TCERG1L: variants seen among roughly 807,000 people sequenced by gnomAD.
TCERG1L encodes the protein transcription elongation regulator 1-like protein.
In TCERG1L, 37 loss-of-function variants were observed where a neutral mutation model predicts 56.3. The ratio of observed to expected loss-of-function variants is 0.66; its 90% CI spans 0.51 to 0.87. TCERG1L has a LOEUF of 0.87. Ranked by LOEUF, TCERG1L falls within the 40% of genes least tolerant of loss-of-function variation. The pLI is 0.00. For missense variants in TCERG1L, 799 were observed against 774.2 expected, an observed-to-expected ratio of 1.03 and a Z score of -0.38; for synonymous variants, 324 against 326.3, an observed-to-expected ratio of 0.99 and a Z score of 0.08.
intron 8 of TCERG1L, among the ~76,000 whole-genome samples, chr10:131,129,384 G>C (rs751275321): frequency 2.0e-5 from 3 of 152,184 alleles, no homozygotes; most frequent in African/African-American, 2.4e-5. Context: ...ATATGATGTC[G>C]GGGGTTTGTT....
At chr10:131,279,696 G>A (rs1846431411) in intron 3 of TCERG1L, among the ~76,000 whole-genome samples, 1 of 152,200 alleles carries the variant, frequency 6.6e-6, no homozygotes, top group Non-Finnish European at 1.5e-5. Context: ...CGCCCGGTGA[G>A]GATGGCCACA....
At chr10:131,200,738 G>A (rs577350202) in intron 4 of TCERG1L, among the ~76,000 whole-genome samples, 2 of 152,324 alleles carry the variant, frequency 1.3e-5, no homozygotes, top group East Asian at 1.9e-4. Flanking sequence ...TGTATTTTGC[G>A]TGTGGGAAGG....
chr10:131,248,219 C>G (rs1846062298), intron 4 of TCERG1L, among the ~76,000 whole-genome samples: 1 of 147,866 alleles, frequency 6.8e-6, no homozygotes, highest in African/African-American at 2.6e-5. Flanking sequence ...AACTCTCTCA[C>G]ACACAACTCA....
chr10:131,289,399 C>T (rs1846583248), intron 3 of TCERG1L, among the ~76,000 whole-genome samples: 1 of 152,214 alleles, frequency 6.6e-6, no homozygotes, highest in Non-Finnish European at 1.5e-5. Flanking sequence ...AATAAAAGTG[C>T]CCACTTATCC....
intron 3 of TCERG1L, among the ~76,000 whole-genome samples, chr10:131,282,137 G>GAAAAAAAAAAAAAAAAAAAAAA (rs543405432): frequency 1.1e-5 from 1 of 92,544 alleles, no homozygotes; most frequent in Non-Finnish European, 2.1e-5. Context: ...CTCCATCTCA[G>GAAAAAAAAAAAAAAAAAAAAAA]AAAAAAAAAA....
At chr10:131,227,972 C>T (rs1037251623) in intron 4 of TCERG1L, among the ~76,000 whole-genome samples, 2 of 151,862 alleles carry the variant, frequency 1.3e-5, no homozygotes, top group Admixed American at 6.6e-5. Context: ...CCCTCCTCAC[C>T]CCACCCCTCC....
chr10:131,283,746 A>G (rs775632111), intron 3 of TCERG1L, among the ~76,000 whole-genome samples: 6 of 152,350 alleles, frequency 3.9e-5, no homozygotes, highest in Middle Eastern at 3.4e-3. Context: ...TTGAAACAGC[A>G]TATTTGACAT....
At chr10:131,229,889 G>C (rs561904984) in intron 4 of TCERG1L, among the ~76,000 whole-genome samples, 173 of 152,332 alleles carry the variant, frequency 1.1e-3, no homozygotes, top group African/African-American at 3.7e-3. Context: ...GTAACCTTCT[G>C]AACGAAGCGC....
At chr10:131,223,229 G>A (rs932280000) in intron 4 of TCERG1L, among the ~76,000 whole-genome samples, 6 of 152,186 alleles carry the variant, frequency 3.9e-5, no homozygotes, top group African/African-American at 1.4e-4. Flanking sequence ...GGACCCCATG[G>A]GAACTGGGTG....
At chr10:131,122,006 G>T (rs954503152) in intron 8 of TCERG1L, among the ~76,000 whole-genome samples, 3 of 152,226 alleles carry the variant, frequency 2.0e-5, no homozygotes, top group Non-Finnish European at 4.4e-5. Flanking sequence ...TATCATAAAT[G>T]ATGTCTCTTG....
intron 4 of TCERG1L, among the ~76,000 whole-genome samples, chr10:131,255,036 G>C (rs956852858): frequency 6.6e-6 from 1 of 152,172 alleles, no homozygotes; most frequent in African/African-American, 2.4e-5. Context: ...CACTGTGGGA[G>C]AGGAGGCACC....
At chr10:131,278,632 C>T (rs912487028) in intron 3 of TCERG1L, among the ~76,000 whole-genome samples, 29 of 152,144 alleles carry the variant, frequency 1.9e-4, no homozygotes, top group African/African-American at 5.3e-4. Context: ...CATGAGCCAC[C>T]GCACCCAGCC....
chr10:131,163,084 G>A lies in TCERG1L; in HGVS notation c.1034+38C>T, dbSNP rs530447519. 17 of 1,466,070 alleles carry A rather than the reference G, an allele frequency of 1.2e-5. No individual in the cohort carries two copies. The East Asian group carries it at 1.2e-4, about 10-fold the overall frequency. 90.8% of individuals were successfully genotyped at this position (1,466,070 alleles called of 1,614,324 possible). ...CAGGCAAATGCCAGGACCAGACAAC[G>A]CCATTGCTAGTGGCTCTCAGGCTTT... On this transcript the variant is annotated intron_variant, in intron 6 of 11. Coordinates refer to ENST00000368642, the MANE Select transcript of TCERG1L (RefSeq NM_174937.4).
chr10:131,289,732 T>C (rs4331001), intron 3 of TCERG1L, among the ~76,000 whole-genome samples: 2 of 42,218 alleles, frequency 4.7e-5, no homozygotes, highest in East Asian at 8.7e-4. Context: ...ACGTGTGCAC[T>C]GCTGTGTGTG....
intron 4 of TCERG1L, among the ~76,000 whole-genome samples, chr10:131,224,555 C>T (rs531414576): frequency 3.3e-5 from 5 of 152,320 alleles, no homozygotes; most frequent in African/African-American, 1.2e-4. Flanking sequence ...AGCGAGATGT[C>T]TGTGGCTAAG....
chr10:131,252,143 T>C (rs1342715885), intron 4 of TCERG1L, among the ~76,000 whole-genome samples: 1 of 152,218 alleles, frequency 6.6e-6, no homozygotes, highest in Non-Finnish European at 1.5e-5. Context: ...CCACATTTTC[T>C]TTATCTATGC....
At chr10:131,246,829 C>G (rs1160919194) in intron 4 of TCERG1L, among the ~76,000 whole-genome samples, 1 of 152,232 alleles carries the variant, frequency 6.6e-6, no homozygotes, top group South Asian at 2.1e-4. Flanking sequence ...ATCCCCCTGC[C>G]GGGAGCATAG....
Position 131,117,965 on chromosome 10 carries a change from G to A in TCERG1L, c.1260-1031C>T, listed in dbSNP as rs199879306. 8.5e-5 allele frequency among the ~76,000 whole-genome samples: 13 copies of A among 152,188 alleles called. No homozygotes were observed. The East Asian group carries it at 2.5e-3, about 30-fold the overall frequency. The stretch of plus-strand genomic sequence containing the variant: ...CTCCCAACCCTGGCCCTGCCTGGGG[G>A]CAGGTCCGTCGGCTGCCACCCGCCC... On this transcript the variant is annotated intron_variant, in intron 8 of 11. Coordinates refer to ENST00000368642, the MANE Select transcript of TCERG1L (RefSeq NM_174937.4).
intron 3 of TCERG1L, among the ~76,000 whole-genome samples, chr10:131,270,621 G>A (rs940403734): frequency 6.6e-6 from 1 of 152,210 alleles, no homozygotes; most frequent in Non-Finnish European, 1.5e-5. Context: ...GCCCAGCCCC[G>A]CATGGCTGCT....
Sources: gnomAD v4.1 joint callset for allele counts (sites outside exome capture counted in the v4.1 genomes callset) on GRCh38, gnomAD v4.1.1 for gene constraint, MANE v1.5 for transcripts, NCBI Gene and HGNC (gene_info 2026-07-23, HGNC 2026-07-21) for gene names.